Variants in RASA3 observed in about 807,000 individuals in gnomAD.
The protein encoded by RASA3 is RAS p21 protein activator 3.
Under a neutral mutation model 110.0 loss-of-function variants are expected in RASA3, and 73 were observed. The observed-to-expected ratio is 0.66, with a 90% CI of 0.55 to 0.81. The LOEUF is 0.81. Among genes scored for constraint, RASA3 ranks in the 30% least tolerant of loss-of-function variants. RASA3 has a pLI of 0.00. For synonymous variants in RASA3, 500 were observed against 451.4 expected, an observed-to-expected ratio of 1.11 and a Z score of -1.37; for missense variants, 976 against 1,113.2, an observed-to-expected ratio of 0.88 and a Z score of 1.75.
At chr13:114,103,558 ACCCC>A (rs2080087383) in intron 1 of RASA3, among the ~76,000 whole-genome samples, 1 of 89,350 alleles carries the variant, frequency 1.1e-5, no homozygotes, top group Non-Finnish European at 2.3e-5. Flanking sequence ...ACAGACACCC[ACCCC>A]CGATGCGTCC....
At chr13:114,010,490 G>A (rs1038150388) in intron 16 of RASA3, among the ~76,000 whole-genome samples, 1 of 151,692 alleles carries the variant, frequency 6.6e-6, no homozygotes, top group East Asian at 2.0e-4. Context: ...AGATGCCTGA[G>A]GGACTCCTGA....
At chr13:114,042,186 T>C (rs1176317973) in intron 3 of RASA3, among the ~76,000 whole-genome samples, 1 of 152,178 alleles carries the variant, frequency 6.6e-6, no homozygotes, top group African/African-American at 2.4e-5. Context: ...GCCCATCCCA[T>C]CCCCGGCAGG....
At chr13:114,021,818 T>C (rs1280557465) in intron 8 of RASA3, among the ~76,000 whole-genome samples, 1 of 151,306 alleles carries the variant, frequency 6.6e-6, no homozygotes, top group African/African-American at 2.4e-5. Context: ...AGAAGCTACA[T>C]GACCCCAGGC....
At position 114,048,538 on chromosome 13, in the gene RASA3, C is replaced by T. The variant is rs527932631; in HGVS notation, c.277+3514G>A. On this transcript the variant is annotated intron_variant, in intron 3 of 23. Coordinates refer to ENST00000334062, the MANE Select transcript of RASA3 (RefSeq NM_007368.4). The surrounding 1 kb of genome is among the most constrained non-coding windows in gnomAD (Gnocchi z 4.3). The stretch of plus-strand genomic sequence containing the variant: ...CTCCTGACAGCACCGAGCCGGGCCT[C>T]GCGCATTTCCGTGGTTCCCGCATCC... 1.1e-4 allele frequency among the ~76,000 whole-genome samples: 17 copies of T among 152,336 alleles called. No individual in the cohort carries two copies. The South Asian group carries it at 1.2e-3, about 11-fold the overall frequency.
rs898723637 is a variant in RASA3 at position 114,114,822 on chromosome 13, G to C, written c.55+17613C>G. ...CGCCCTCATGTGCAGGGACAGGGCAGAGTCGTGACCAACAGTGGAAAGACC... is the reference window on the plus strand; with the variant it reads ...CGCCCTCATGTGCAGGGACAGGGCACAGTCGTGACCAACAGTGGAAAGACC... On this transcript the variant is annotated intron_variant, in intron 1 of 23. Transcript: ENST00000334062. This position sits in a 1 kb window ranked among gnomAD's most constrained non-coding sequence, Gnocchi z 4.8. Among the ~76,000 whole-genome samples, 20 of 152,214 alleles carry C rather than the reference G, an allele frequency of 1.3e-4. No homozygotes were observed. The highest frequency in any genetic ancestry group is 4.6e-4 in the African/African-American group (19 of 41,454).
intron 8 of RASA3, among the ~76,000 whole-genome samples, chr13:114,022,835 A>C (rs948809359): frequency 3.9e-5 from 6 of 152,244 alleles, no homozygotes; most frequent in Admixed American, 6.5e-5. Flanking sequence ...AAAAGAAACC[A>C]ACAATGGCGC....
intron 2 of RASA3, among the ~76,000 whole-genome samples, chr13:114,071,279 G>A (rs943522458): frequency 2.0e-5 from 3 of 152,102 alleles, no homozygotes; most frequent in African/African-American, 7.2e-5. Context: ...CACCACACCC[G>A]GCCAGAACCA....
chr13:114,082,715 C>G (rs957724602), intron 1 of RASA3, among the ~76,000 whole-genome samples: 2 of 152,144 alleles, frequency 1.3e-5, no homozygotes, highest in Admixed American at 1.3e-4. Context: ...CCAGCCTGTA[C>G]GCAAGAGGGG....
At chr13:113,992,245 CAA>C (rs1313746822) in intron 22 of RASA3, among the ~76,000 whole-genome samples, 1 of 152,242 alleles carries the variant, frequency 6.6e-6, no homozygotes, top group African/African-American at 2.4e-5. Flanking sequence ...ACAGAGGTTA[CAA>C]GTTAAATTCC....
intron 3 of RASA3, among the ~76,000 whole-genome samples, chr13:114,043,776 C>T (rs942438282): frequency 6.6e-6 from 1 of 151,810 alleles, no homozygotes; most frequent in African/African-American, 2.4e-5. Context: ...CCTCTAATGG[C>T]GCAGACCACG....
intron 2 of RASA3, among the ~76,000 whole-genome samples, chr13:114,073,282 G>T (rs1433230846): frequency 6.9e-6 from 1 of 144,248 alleles, no homozygotes; most frequent in Non-Finnish European, 1.5e-5. Flanking sequence ...GTACACGCTC[G>T]GGACATTGTC....
At chr13:114,020,458 T>G (rs2053902082) in intron 9 of RASA3, among the ~76,000 whole-genome samples, 2 of 152,198 alleles carry the variant, frequency 1.3e-5, no homozygotes, top group Admixed American at 1.3e-4. Context: ...CCTGTGCCCG[T>G]GCCGTCTTCG....
intron 2 of RASA3, among the ~76,000 whole-genome samples, chr13:114,069,441 AGGGACCGGGAGACTTGG>A (rs2079516122): frequency 1.7e-5 from 1 of 60,228 alleles, no homozygotes; most frequent in African/African-American, 6.8e-5. Flanking sequence ...TGGGAGACTC[AGGGACCGGGAGACTTGG>A]GGGGCTGGGA....
intron 1 of RASA3, among the ~76,000 whole-genome samples, chr13:114,117,119 T>C (rs1221286546): frequency 1.7e-5 from 2 of 120,248 alleles, no homozygotes; most frequent in Admixed American, 8.9e-5. Flanking sequence ...AGCACGTGTG[T>C]GAGGGATGCA....
chr13:114,060,961 G>A (rs1006915670), intron 2 of RASA3, among the ~76,000 whole-genome samples: 3 of 149,336 alleles, frequency 2.0e-5, no homozygotes, highest in African/African-American at 4.9e-5. Context: ...CCCCACAGCC[G>A]GCAGATGGAG....
chr13:114,041,481 G>T (rs146496312), intron 3 of RASA3, among the ~76,000 whole-genome samples: 90 of 152,362 alleles, frequency 5.9e-4, no homozygotes, highest in African/African-American at 2.0e-3. Flanking sequence ...CGCTCCATCG[G>T]CAATGTGCGC....
intron 18 of RASA3, among the ~76,000 whole-genome samples, chr13:114,003,711 TC>T (rs1379314207): frequency 2.6e-5 from 4 of 152,190 alleles, no homozygotes; most frequent in African/African-American, 4.8e-5. Context: ...CATAGGCATG[TC>T]CCAGCTCACA....
chr13:114,098,824 A>G (rs9634649), intron 1 of RASA3, among the ~76,000 whole-genome samples: 22,586 of 152,148 alleles, frequency 0.15, 1,894 homozygotes, highest in African/African-American at 0.22. Flanking sequence ...TCTGAAATTT[A>G]TTTTAACAGA....
intron 1 of RASA3, among the ~76,000 whole-genome samples, chr13:114,125,429 G>C (rs181312724): frequency 2.9e-4 from 44 of 152,304 alleles, no homozygotes; most frequent in Admixed American, 2.5e-3. Context: ...CACGGCGAGA[G>C]CGGGGGCAAG....
Sources: allele counts gnomAD v4.1 joint callset (sites outside exome capture counted in the v4.1 genomes callset), GRCh38; gene constraint gnomAD v4.1.1; non-coding constraint Gnocchi (gnomAD v3.1); transcripts MANE v1.5; gene names NCBI Gene and HGNC (gene_info 2026-07-23, HGNC 2026-07-21).